Variants in RIMS2 observed in about 807,000 individuals in gnomAD.
RIMS2 encodes regulating synaptic membrane exocytosis protein 2.
RIMS2 carries 59 observed loss-of-function variants against 174.4 expected under a neutral mutation model. The ratio of observed to expected loss-of-function variants is 0.34; its 90% CI spans 0.27 to 0.42. RIMS2 has a LOEUF of 0.42. Ranked by LOEUF, RIMS2 falls within the 10% of genes least tolerant of loss-of-function variation. RIMS2 has a pLI of 1.00. For synonymous variants in RIMS2, 606 were observed against 572.5 expected, an observed-to-expected ratio of 1.06 and a Z score of -0.84; for missense variants, 1,620 against 1,666.3, an observed-to-expected ratio of 0.97 and a Z score of 0.48.
chr8:103,937,557 A>G (rs1293584026), intron 13 of RIMS2, among the ~76,000 whole-genome samples: 3 of 152,194 alleles, frequency 2.0e-5, no homozygotes, highest in Non-Finnish European at 4.4e-5. Context: ...TTAGAATATA[A>G]CATGCCAATT....
chr8:103,912,216 G>T (rs1344084544), intron 6 of RIMS2, 44 bp downstream of exon 9: 19 of 1,488,392 alleles, frequency 1.3e-5, no homozygotes, highest in Admixed American at 1.9e-5. Flanking sequence ...TACTCTTACA[G>T]ATTTACCAGA....
intron 19 of RIMS2, among the ~76,000 whole-genome samples, chr8:104,147,928 T>C (rs2098655869): frequency 6.6e-6 from 1 of 152,218 alleles, no homozygotes; most frequent in Admixed American, 6.5e-5. Flanking sequence ...GCACACTGTC[T>C]GGAAAACTGA....
chr8:103,823,855 A>G (rs1035675121), intron 3 of RIMS2, among the ~76,000 whole-genome samples: 3 of 152,054 alleles, frequency 2.0e-5, no homozygotes, highest in South Asian at 2.1e-4. Flanking sequence ...TTCATATTGC[A>G]TGAAAAGTCT....
intron 1 of RIMS2, among the ~76,000 whole-genome samples, chr8:103,581,712 A>G (rs2093628552): frequency 6.6e-6 from 1 of 152,200 alleles, no homozygotes; most frequent in African/African-American, 2.4e-5. Context: ...ACATGATCTT[A>G]TACTTAGAAA....
chr8:103,940,050 C>G (rs551964036), intron 13 of RIMS2, among the ~76,000 whole-genome samples: 1 of 152,318 alleles, frequency 6.6e-6, no homozygotes, highest in Admixed American at 6.5e-5. Context: ...CTGTTCCAAC[C>G]CCTGCCCATT....
At chr8:103,621,667 T>G (rs1369692369) in intron 1 of RIMS2, among the ~76,000 whole-genome samples, 1 of 152,220 alleles carries the variant, frequency 6.6e-6, no homozygotes, top group Non-Finnish European at 1.5e-5. Flanking sequence ...CCTAATTAGA[T>G]GGAGAGGAAA....
intron 14 of RIMS2, among the ~76,000 whole-genome samples, chr8:103,951,874 A>T (rs1044783288): frequency 6.6e-6 from 1 of 152,234 alleles, no homozygotes; most frequent in Non-Finnish European, 1.5e-5. Flanking sequence ...TGCTGCTTGC[A>T]CAGCAGTCTG....
intron 1 of RIMS2, among the ~76,000 whole-genome samples, chr8:103,534,697 T>G (rs1200862474): frequency 6.6e-6 from 1 of 152,222 alleles, no homozygotes; most frequent in East Asian, 1.9e-4. Flanking sequence ...GAATCCCAAT[T>G]GAGTGAAATA....
chr8:103,677,839 ATACAGAAGAGATG>A (rs2096834530), intron 1 of RIMS2, among the ~76,000 whole-genome samples: 1 of 152,200 alleles, frequency 6.6e-6, no homozygotes, highest in Non-Finnish European at 1.5e-5. Flanking sequence ...ACATACAAAA[ATACAGAAGAGATG>A]TACAGAAGGA....
intron 13 of RIMS2, among the ~76,000 whole-genome samples, chr8:103,940,875 CA>C (rs11284715): frequency 0.29 from 26,424 of 92,690 alleles, 2,681 homozygotes; most frequent in Middle Eastern, 0.49. Flanking sequence ...GACTCCATCT[CA>C]AAAAAAAAAA....
chr8:103,591,920 A>T (rs969287146), intron 1 of RIMS2, among the ~76,000 whole-genome samples: 1 of 151,212 alleles, frequency 6.6e-6, no homozygotes, highest in Non-Finnish European at 1.5e-5. Context: ...AGAATCAGCT[A>T]GTCAATTATT....
intron 3 of RIMS2, among the ~76,000 whole-genome samples, chr8:103,872,655 T>C (rs1001929126): frequency 6.6e-6 from 1 of 152,212 alleles, no homozygotes; most frequent in African/African-American, 2.4e-5. Context: ...GGCTATTGTG[T>C]TATAGGTAGT....
chr8:103,501,938 T>C (rs1162458694), intron 1 of RIMS2, among the ~76,000 whole-genome samples: 5 of 152,222 alleles, frequency 3.3e-5, no homozygotes, highest in Non-Finnish European at 7.4e-5. Context: ...GGGTTATCTT[T>C]AGCTCTGAGA....
At chr8:104,157,762 A>G (rs1285239812) in intron 19 of RIMS2, among the ~76,000 whole-genome samples, 1 of 152,194 alleles carries the variant, frequency 6.6e-6, no homozygotes, top group Non-Finnish European at 1.5e-5. Context: ...GGCTATTGTG[A>G]ATAATGCTAC....
intron 1 of RIMS2, among the ~76,000 whole-genome samples, chr8:103,513,607 A>G (rs1827615088): frequency 6.6e-6 from 1 of 152,198 alleles, no homozygotes; most frequent in Non-Finnish European, 1.5e-5. Context: ...TTTGGCCCAG[A>G]CTTACACAAA....
At chr8:103,973,274 T>C (rs1218481875) in intron 15 of RIMS2, among the ~76,000 whole-genome samples, 1 of 152,192 alleles carries the variant, frequency 6.6e-6, no homozygotes, top group Non-Finnish European at 1.5e-5. Context: ...ACCTCTGTTT[T>C]CTCAAATGGA....
chr8:103,806,683 G>A (rs972562827), intron 3 of RIMS2, among the ~76,000 whole-genome samples: 40 of 151,972 alleles, frequency 2.6e-4, no homozygotes, highest in African/African-American at 8.9e-4. Context: ...TTAATGCACC[G>A]AGAAGCTAGG....
intron 19 of RIMS2, among the ~76,000 whole-genome samples, chr8:104,060,922 G>A (rs2154560343): frequency 6.6e-6 from 1 of 152,242 alleles, no homozygotes; most frequent in Admixed American, 6.5e-5. Flanking sequence ...TGATTGCACT[G>A]TGGTCTGAGA....
chr8:104,223,458 A>ATTT (rs2099165975), intron 19 of RIMS2: 16 of 1,376,338 alleles, frequency 1.2e-5, no homozygotes, highest in Non-Finnish European at 1.4e-5. Flanking sequence ...TCTCCAATAA[A>ATTT]TTGGAGGTCC....
Sources: gnomAD v4.1 joint callset for allele counts (sites outside exome capture counted in the v4.1 genomes callset) on GRCh38, gnomAD v4.1.1 for gene constraint, MANE v1.5 for transcripts, NCBI Gene and HGNC (gene_info 2026-07-23, HGNC 2026-07-21) for gene names.